Variants in ITGA11 observed in about 807,000 individuals in gnomAD.
ITGA11 encodes the protein integrin alpha-11.
Under a neutral mutation model 141.9 loss-of-function variants are expected in ITGA11, and 97 were observed. The observed-to-expected ratio is 0.68, with a 90% CI of 0.58 to 0.81. ITGA11 has a LOEUF of 0.81. Among genes scored for constraint, ITGA11 ranks in the 30% least tolerant of loss-of-function variants. The pLI, the probability that ITGA11 is intolerant of heterozygous loss-of-function variation, is 0.00. For synonymous variants in ITGA11, 658 were observed against 624.6 expected (o/e 1.05, Z -0.80); for missense variants, 1,387 against 1,559.2 (o/e 0.89, Z 1.86).
intron 1 of ITGA11, among the ~76,000 whole-genome samples, chr15:68,418,279 G>C (rs1007876180): frequency 6.6e-6 from 1 of 152,206 alleles, no homozygotes; most frequent in African/African-American, 2.4e-5. Flanking sequence ...AAAATGAATA[G>C]AAGTATTCAG....
chr15:68,350,878 T>C, intron 8 of ITGA11, 96 bp from the exon 9 acceptor site: 3 of 1,266,414 alleles, frequency 2.4e-6, no homozygotes, highest in Admixed American at 4.8e-5. Flanking sequence ...CAGGGTGGGC[T>C]GGAGCCAGGG....
intron 1 of ITGA11, among the ~76,000 whole-genome samples, chr15:68,423,289 G>A (rs1380650974): frequency 6.6e-6 from 1 of 152,104 alleles, no homozygotes; most frequent in Non-Finnish European, 1.5e-5. Context: ...AATCACACAA[G>A]TGGGGCCCCA....
At chr15:68,390,454 C>G (rs1896090085) in intron 2 of ITGA11, among the ~76,000 whole-genome samples, 1 of 152,152 alleles carries the variant, frequency 6.6e-6, no homozygotes, top group Non-Finnish European at 1.5e-5. Context: ...TCACTGGAAT[C>G]TGTCTTACAT....
At chr15:68,377,741 A>C (rs1314478537) in intron 2 of ITGA11, among the ~76,000 whole-genome samples, 2 of 152,204 alleles carry the variant, frequency 1.3e-5, no homozygotes, top group Admixed American at 1.3e-4. Context: ...ATTATTTTGT[A>C]TGTGGACATA....
rs371289880 is a variant in ITGA11, at chr15:68,326,760, T to C, written c.2105A>G (p.Tyr702Cys). The C allele has an allele frequency of 2.5e-6, 4 of 1,581,250 alleles. No individual in the cohort carries two copies. The highest frequency in any genetic ancestry group is 3.6e-5 in the Admixed American group (2 of 55,798). ...RYNATMDERR[Y>C]TPRAHLDEGG... Reference sequence around the variant, plus strand: ...CTCGTCCAGGTGGGCCCTCGGTGTATACCGCCTCTCATCCATGGTGGCGTT... The same window carrying C: ...CTCGTCCAGGTGGGCCCTCGGTGTACACCGCCTCTCATCCATGGTGGCGTT... The change falls in exon 17 of 30, where the codon TAT becomes TGT. Residue 702 changes from tyrosine to cysteine, a missense_variant. Tyr to Cys is a radical substitution (Grantham distance 194, BLOSUM62 -2). Coordinates refer to ENST00000315757, the MANE Select transcript of ITGA11 (RefSeq NM_001004439.2). The surrounding 1 kb of genome is among the most constrained non-coding windows in gnomAD (Gnocchi z 6.8).
intron 1 of ITGA11, among the ~76,000 whole-genome samples, chr15:68,416,942 G>GT (rs1437022262): frequency 6.6e-6 from 1 of 152,126 alleles, no homozygotes; most frequent in Non-Finnish European, 1.5e-5. Context: ...AAGGGTCACA[G>GT]TTTTTTATGA....
intron 2 of ITGA11, among the ~76,000 whole-genome samples, chr15:68,388,417 A>G (rs1896036888): frequency 6.6e-6 from 1 of 152,104 alleles, no homozygotes; most frequent in Non-Finnish European, 1.5e-5. Flanking sequence ...GACAGCCTGT[A>G]TAAAGTTGAG....
In ITGA11 at chr15:68,335,435, G is replaced by T. The variant is rs1894316425; in HGVS notation, c.1425+262C>A. ...CTGGTTGCCAACCACCTCCCTGTGG[G>T]GCAATGGCATTGGCAGCCTTCCCAT... On this transcript the variant is annotated intron_variant, in intron 12 of 29. Coordinates refer to ENST00000315757, the MANE Select transcript of ITGA11 (RefSeq NM_001004439.2). The surrounding 1 kb of genome is among the most constrained non-coding windows in gnomAD (Gnocchi z 4.9). Among the ~76,000 whole-genome samples, 1 of 152,192 alleles carries T rather than the reference G, an allele frequency of 6.6e-6. No homozygotes were observed. The highest frequency in any genetic ancestry group is 1.5e-5 in the Non-Finnish European group (1 of 68,032).
intron 6 of ITGA11, among the ~76,000 whole-genome samples, chr15:68,357,861 T>C (rs963594684): frequency 6.6e-6 from 1 of 152,212 alleles, no homozygotes; most frequent in Non-Finnish European, 1.5e-5. Context: ...CTTTCACCCA[T>C]GATACCCTAA....
chr15:68,384,478 C>G (rs1332937548), intron 2 of ITGA11, among the ~76,000 whole-genome samples: 1 of 152,140 alleles, frequency 6.6e-6, no homozygotes, highest in Non-Finnish European at 1.5e-5. Context: ...TGCCCCAGCT[C>G]CTGCCAGTGA....
rs933563186 is a variant in ITGA11, at chr15:68,332,841, C to T, written c.1426-363G>A. ...GACATCCAAACATAACTACCACGAA[C>T]GTTTTAGTGGATTTTATTCTAGTTT... On this transcript the variant is annotated intron_variant, in intron 12 of 29. Transcript: ENST00000315757. 8.6e-5 allele frequency among the ~76,000 whole-genome samples: 13 copies of T among 151,056 alleles called. 1 individual carries two copies. Among genetic ancestry groups the T allele is most frequent in the South Asian group, 8.3e-4 (4 of 4,796 alleles).
chr15:68,373,537 C>T (rs934687751), intron 2 of ITGA11, among the ~76,000 whole-genome samples: 1 of 152,222 alleles, frequency 6.6e-6, no homozygotes, highest in Non-Finnish European at 1.5e-5. Context: ...GTTTCCATTT[C>T]CTCCTTCCCA....
intron 2 of ITGA11, among the ~76,000 whole-genome samples, chr15:68,392,052 C>T (rs1323493241): frequency 6.6e-6 from 1 of 152,082 alleles, no homozygotes; most frequent in African/African-American, 2.4e-5. Flanking sequence ...CTACTAAACA[C>T]CAGGAATTAT....
rs1454314854 is a variant in ITGA11 at position 68,313,876 on chromosome 15, G to T, written c.2793-8C>A. On this transcript the variant is annotated splice_region_variant and splice_polypyrimidine_tract_variant and intron_variant, in intron 22 of 29. Coordinates refer to ENST00000315757, the MANE Select transcript of ITGA11 (RefSeq NM_001004439.2). Reference sequence around the variant, plus strand: ...TCCCGCTCATTACTGTCACTGCAAGGAGAGCCAGGCGGCAAGGTCAGGAAG... The same window carrying T: ...TCCCGCTCATTACTGTCACTGCAAGTAGAGCCAGGCGGCAAGGTCAGGAAG... The T allele has an allele frequency of 3.1e-6, 5 of 1,613,006 alleles. No homozygotes were observed. Among genetic ancestry groups the T allele is most frequent in the Admixed American group, 1.7e-5 (1 of 59,986 alleles).
At position 68,302,115 on chromosome 15, in the gene ITGA11, T is replaced by TGTGTGTG. The variant is rs1555444826; in HGVS notation, c.*943_*944insCACACAC. 1.7e-4 allele frequency: 23 copies of TGTGTGTG among 133,230 alleles called. No homozygotes were observed. Among genetic ancestry groups the TGTGTGTG allele is most frequent in the East Asian group, 2.2e-4 (1 of 4,594 alleles). The allele number at this position is 133,230 out of a possible 1,614,324, so 8.3% of individuals were successfully genotyped here. ...GTGTGTGTGTGTGTGTGTGTGTGTG[T>TGTGTGTG]AGGGAGGGGGTGATACAGGGAGGGG... On this transcript the variant is annotated 3_prime_UTR_variant, in exon 30 of 30. Transcript: ENST00000315757.
chr15:68,430,294 A>C (rs1291972836), intron 1 of ITGA11, among the ~76,000 whole-genome samples: 1 of 152,204 alleles, frequency 6.6e-6, no homozygotes, highest in Admixed American at 6.5e-5. Flanking sequence ...CTGTGCACCC[A>C]GCCCTGTGTT....
At chr15:68,389,561 T>G (rs1184887392) in intron 2 of ITGA11, among the ~76,000 whole-genome samples, 2 of 152,224 alleles carry the variant, frequency 1.3e-5, no homozygotes, top group Non-Finnish European at 2.9e-5. Flanking sequence ...ATGTCATCAT[T>G]TGGAGTCTCA....
chr15:68,358,138 G>C (rs1432677744), intron 6 of ITGA11, among the ~76,000 whole-genome samples: 1 of 152,048 alleles, frequency 6.6e-6, no homozygotes, highest in Admixed American at 6.5e-5. Context: ...ATTCTCCCCT[G>C]TGCCCCACTC....
Position 68,384,519 on chromosome 15 carries a change from C to T in ITGA11, c.165-15235G>A, listed in dbSNP as rs184182833. 8.5e-5 allele frequency among the ~76,000 whole-genome samples: 13 copies of T among 152,306 alleles called. No individual in the cohort carries two copies. In the East Asian group the frequency reaches 2.3e-3, roughly 27 times the overall value. On this transcript the variant is annotated intron_variant, in intron 2 of 29. Transcript: ENST00000315757. ...AATGTCTGGATTTCCACTCTCCCAG[C>T]CCTCTGCAGCTCATTTTCTTCTTGT...
Sources: gnomAD v4.1 joint callset for allele counts (sites outside exome capture counted in the v4.1 genomes callset) on GRCh38, gnomAD v4.1.1 for gene constraint, Gnocchi (gnomAD v3.1) non-coding constraint, MANE v1.5 for transcripts, NCBI Gene and HGNC (gene_info 2026-07-23, HGNC 2026-07-21) for gene names.